JAK1: variants seen among roughly 807,000 people sequenced by gnomAD.
JAK1 encodes tyrosine-protein kinase JAK1.
In JAK1, 16 loss-of-function variants were observed where a neutral mutation model predicts 136.6. The ratio of observed to expected loss-of-function variants is 0.12; its 90% CI spans 0.08 to 0.18. JAK1 has a LOEUF of 0.18. Ranked by LOEUF, JAK1 falls within the 10% of genes least tolerant of loss-of-function variation. JAK1 has a pLI of 1.00. For synonymous variants in JAK1, 492 were observed against 519.5 expected (o/e 0.95, Z 0.72); for missense variants, 859 against 1,450.1 (o/e 0.59, Z 6.62).
At chr1:64,960,761 A>T (rs1646269086) in intron 1 of JAK1, among the ~76,000 whole-genome samples, 1 of 152,196 alleles carries the variant, frequency 6.6e-6, no homozygotes, top group Non-Finnish European at 1.5e-5. Context: ...ACCTTCTTAC[A>T]TACCTCCTAA....
intron 1 of JAK1, among the ~76,000 whole-genome samples, chr1:64,926,422 C>T (rs1645583698): frequency 6.8e-6 from 1 of 146,942 alleles, no homozygotes; most frequent in Non-Finnish European, 1.5e-5. Context: ...TGACCCACTT[C>T]AGAGCCATCG....
intron 1 of JAK1, among the ~76,000 whole-genome samples, chr1:64,887,629 G>A (rs1481170349): frequency 2.6e-5 from 4 of 152,176 alleles, no homozygotes; most frequent in Non-Finnish European, 4.4e-5. Flanking sequence ...ACAGAAAGAG[G>A]TCATTACAAA....
intron 1 of JAK1, among the ~76,000 whole-genome samples, chr1:64,941,095 C>T (rs1645882545): frequency 6.6e-6 from 1 of 152,184 alleles, no homozygotes; most frequent in South Asian, 2.1e-4. Context: ...ACATGCAAGG[C>T]AGGGGTTGCA....
chr1:64,873,486 C>G lies in JAK1; in HGVS notation c.367G>C (p.Glu123Gln), dbSNP rs765863050. 1 of 1,614,208 alleles carries G rather than the reference C, an allele frequency of 6.2e-7. No individual in the cohort carries two copies. Among genetic ancestry groups the G allele is most frequent in the Admixed American group, 1.7e-5 (1 of 60,034 alleles). The change falls in exon 5 of 25, where the codon GAG becomes CAG. Residue 123 changes from glutamate to glutamine, a missense_variant. This residue lies in a region of JAK1 where 353 missense variants were observed against 494.0 expected (regional missense o/e 0.71). Coordinates refer to ENST00000342505, the MANE Select transcript of JAK1 (RefSeq NM_002227.4). ...GGAGAATGACGCCACACTGACTGCT[C>G]ATTGTCGTTGGTTCCATGCCAATTG... ...FTNWHGTNDNEQSVWRHSPKK... is the reference protein window; with the variant it reads ...FTNWHGTNDNQQSVWRHSPKK...
intron 2 of JAK1, among the ~76,000 whole-genome samples, chr1:64,982,062 G>T (rs1203113473): frequency 1.3e-5 from 2 of 151,814 alleles, no homozygotes; most frequent in African/African-American, 2.4e-5. Context: ...CTACAGAGTT[G>T]ATGTCAACAC....
chr1:64,907,248 C>A (rs1645205060), intron 1 of JAK1, among the ~76,000 whole-genome samples: 1 of 152,126 alleles, frequency 6.6e-6, no homozygotes, highest in African/African-American at 2.4e-5. Context: ...TCTAAATATA[C>A]TTACATATTC....
In JAK1 at chr1:65,039,985, C is replaced by T. The variant is rs370908181; in HGVS notation, c.-78+4495G>A. 1.4e-3 allele frequency among the ~76,000 whole-genome samples: 212 copies of T among 152,204 alleles called. 13 individuals are homozygous for T. The South Asian group carries it at 0.042, about 30-fold the overall frequency. ...ATCCCAGCACTTTGGGAGGCTGCAG[C>T]GGGTGGATCACCTGAGGTCAGGAGT... On this transcript the variant is annotated intron_variant, in intron 2 of 25. Transcript: ENST00000671954.
chr1:64,844,751 C>A lies in JAK1; in HGVS notation c.2251+3G>T, dbSNP rs560024039. On this transcript the variant is annotated splice_donor_region_variant and intron_variant, in intron 16 of 24. Coordinates refer to ENST00000342505, the MANE Select transcript of JAK1 (RefSeq NM_002227.4). This position sits in a 1 kb window ranked among gnomAD's most constrained non-coding sequence, Gnocchi z 5.7. ...GGCCAGAGGGAAGAGAGGGGAGACA[C>A]ACCTTGCCTAGACAGCACCGTAATG... The A allele has an allele frequency of 7.6e-5, 122 of 1,614,042 alleles. 1 individual carries two copies. In the South Asian group the frequency reaches 1.0e-3, roughly 13 times the overall value.
chr1:65,004,366 T>A (rs1284127545), intron 2 of JAK1, among the ~76,000 whole-genome samples: 1 of 152,212 alleles, frequency 6.6e-6, no homozygotes, highest in African/African-American at 2.4e-5. Context: ...CCCACTAACC[T>A]TACTTTTGTA....
intron 1 of JAK1, among the ~76,000 whole-genome samples, chr1:65,061,324 C>T (rs1235759724): frequency 6.6e-6 from 1 of 152,106 alleles, no homozygotes; most frequent in East Asian, 1.9e-4. Flanking sequence ...ATTGCTTGAA[C>T]ATGAAAGGCT....
intron 1 of JAK1, among the ~76,000 whole-genome samples, chr1:64,940,671 C>G (rs939130452): frequency 1.3e-5 from 2 of 152,014 alleles, no homozygotes; most frequent in African/African-American, 4.8e-5. Flanking sequence ...GTTTACTGTT[C>G]GTAGGCAAGA....
intron 2 of JAK1, among the ~76,000 whole-genome samples, chr1:64,996,331 C>G (rs1270216805): frequency 6.6e-6 from 1 of 152,168 alleles, no homozygotes; most frequent in African/African-American, 2.4e-5. Context: ...CTTTAAATCT[C>G]TTGACACTTC....
chr1:64,968,931 CAAAAAAAA>C (rs10708307), upstream of JAK1, among the ~76,000 whole-genome samples: 7 of 64,048 alleles, frequency 1.1e-4, no homozygotes, highest in African/African-American at 1.8e-4. Context: ...GACTCCCTCT[CAAAAAAAA>C]AAAAAAAAAA....
At chr1:64,855,403 G>A in intron 11 of JAK1, 106 bp downstream of exon 11, 1 of 1,011,444 alleles carries the variant, frequency 9.9e-7, no homozygotes, top group East Asian at 2.6e-5. Context: ...CCTAGAAACT[G>A]TGGGGAGGGT....
chr1:64,968,805 A>G (rs7529785), upstream of JAK1, among the ~76,000 whole-genome samples: 148,862 of 152,184 alleles, frequency 0.98, 72,872 homozygotes, highest in East Asian at 1. Flanking sequence ...GGTGGCGGGA[A>G]CCTGTAATCT....
chr1:65,064,951 T>TGAC (rs1647975491), intron 1 of JAK1, among the ~76,000 whole-genome samples: 2 of 152,334 alleles, frequency 1.3e-5, no homozygotes, highest in African/African-American at 4.8e-5. Context: ...GGTACCCAAC[T>TGAC]CTAGAGGAAA....
chr1:65,059,461 C>A (rs1485692696), intron 1 of JAK1, among the ~76,000 whole-genome samples: 3 of 152,182 alleles, frequency 2.0e-5, no homozygotes, highest in Non-Finnish European at 4.4e-5. Flanking sequence ...TAAGAATGTA[C>A]TCAAATTAGT....
chr1:64,842,149 T>G (rs1430160068), intron 17 of JAK1, among the ~76,000 whole-genome samples: 2 of 152,076 alleles, frequency 1.3e-5, no homozygotes, highest in African/African-American at 2.4e-5. Flanking sequence ...ATGAAAAAAC[T>G]CAGAATTTTA....
At chr1:64,946,559 T>C (rs1316828440) in intron 1 of JAK1, among the ~76,000 whole-genome samples, 6 of 152,228 alleles carry the variant, frequency 3.9e-5, no homozygotes, top group Non-Finnish European at 7.3e-5. Context: ...ATGTTCTTTG[T>C]TTTCTAGATT....
Sources: allele counts gnomAD v4.1 joint callset (sites outside exome capture counted in the v4.1 genomes callset), GRCh38; gene constraint gnomAD v4.1.1; regional missense constraint gnomAD v4.1.1; non-coding constraint Gnocchi (gnomAD v3.1); transcripts MANE v1.5; gene names NCBI Gene and HGNC (gene_info 2026-07-23, HGNC 2026-07-21).